ADGRL3: variants seen among roughly 807,000 people sequenced by gnomAD.
The protein encoded by ADGRL3 is adhesion G protein-coupled receptor L3.
In ADGRL3, 62 loss-of-function variants were observed where a neutral mutation model predicts 153.5. That is an observed-to-expected ratio of 0.40 (90% CI 0.33 to 0.50). The LOEUF (loss-of-function observed/expected upper bound fraction) is 0.50, where lower values mean the gene tolerates loss of function less well. Ranked by LOEUF, ADGRL3 falls within the 20% of genes least tolerant of loss-of-function variation. The pLI is 0.47. For missense variants in ADGRL3, 1,641 were observed against 1,859.4 expected (o/e 0.88, Z 2.16); for synonymous variants, 710 against 672.5 (o/e 1.06, Z -0.86).
intron 5 of ADGRL3, among the ~76,000 whole-genome samples, chr4:61,632,334 C>G (rs1216581847): frequency 6.6e-6 from 1 of 152,176 alleles, no homozygotes; most frequent in East Asian, 1.9e-4. Flanking sequence ...GAATATCTTA[C>G]TGAGTCTTTA....
chr4:62,020,178 C>T (rs2099231441), intron 21 of ADGRL3, among the ~76,000 whole-genome samples: 1 of 152,006 alleles, frequency 6.6e-6, no homozygotes. Flanking sequence ...AAATCCCATA[C>T]AGTATGAAAA....
intron 13 of ADGRL3, among the ~76,000 whole-genome samples, chr4:61,927,037 C>G (rs1581494499): frequency 6.6e-6 from 1 of 152,136 alleles, no homozygotes; most frequent in African/African-American, 2.4e-5. Flanking sequence ...GAGCTTGAAC[C>G]CTATGTTTCC....
At chr4:61,511,260 T>G (rs541039051) in intron 3 of ADGRL3, among the ~76,000 whole-genome samples, 294 of 152,142 alleles carry the variant, frequency 1.9e-3, no homozygotes, top group African/African-American at 6.8e-3. Context: ...TCTCAACTAC[T>G]CGGGACGTTG....
Position 62,073,043 on chromosome 4 carries a change from C to A in ADGRL3, c.*2135C>A, listed in dbSNP as rs986160700. On this transcript the variant is annotated 3_prime_UTR_variant, in exon 27 of 27. Transcript: ENST00000683033. ...TTTATAGCAGTGTCCAAGTACAGAT[C>A]CCCTGTTAGGGCAAAGCTAAAAGGA... 1.3e-5 allele frequency: 2 copies of A among 151,934 alleles called. No homozygotes were observed. Among genetic ancestry groups the A allele is most frequent in the Non-Finnish European group, 2.9e-5 (2 of 67,966 alleles). The allele number at this position is 151,934 out of a possible 1,614,324, so 9.4% of individuals were successfully genotyped here.
chr4:62,013,549 AAAAG>A lies in ADGRL3; in HGVS notation c.3396-15286_3396-15283del, dbSNP rs201993083. Reference sequence around the variant, plus strand: ...AAGAGTGAAACTCCATCTCAAAAAAAAAAGAAAGAAAGAAAGAAAGAAATTTGTT... The same window carrying A: ...AAGAGTGAAACTCCATCTCAAAAAAAAAAGAAAGAAAGAAAGAAATTTGTT... On this transcript the variant is annotated intron_variant, in intron 21 of 26. Coordinates refer to ENST00000683033, the MANE Select transcript of ADGRL3 (RefSeq NM_001387552.1). 4.4e-3 allele frequency among the ~76,000 whole-genome samples: 666 copies of A among 152,048 alleles called. 4 individuals are homozygous for A. Among genetic ancestry groups the A allele is most frequent in the African/African-American group, 0.013 (550 of 41,458 alleles).
chr4:61,718,335 T>G (rs1000213987), intron 6 of ADGRL3, among the ~76,000 whole-genome samples: 1 of 152,152 alleles, frequency 6.6e-6, no homozygotes, highest in Non-Finnish European at 1.5e-5. Context: ...ACCCTTGGAT[T>G]TATTTAATAA....
intron 9 of ADGRL3, among the ~76,000 whole-genome samples, chr4:61,848,702 A>C (rs1224743464): frequency 6.6e-6 from 1 of 152,176 alleles, no homozygotes; most frequent in Non-Finnish European, 1.5e-5. Flanking sequence ...TAAGACAATA[A>C]TATTTCTTAC....
intron 6 of ADGRL3, among the ~76,000 whole-genome samples, chr4:61,713,341 A>G (rs1048096391): frequency 2.6e-5 from 4 of 151,960 alleles, no homozygotes; most frequent in Non-Finnish European, 5.9e-5. Context: ...ACTCATCATT[A>G]AGTTCATTAA....
At chr4:61,298,536 A>T (rs7696470) in intron 1 of ADGRL3, among the ~76,000 whole-genome samples, 110,676 of 152,032 alleles carry the variant, frequency 0.73, 40,599 homozygotes, top group East Asian at 0.97. Flanking sequence ...TTCCAGAGCC[A>T]TTCAAAATTT....
intron 1 of ADGRL3, among the ~76,000 whole-genome samples, chr4:61,361,753 T>C (rs1279059235): frequency 2.0e-5 from 3 of 152,110 alleles, no homozygotes; most frequent in African/African-American, 4.8e-5. Flanking sequence ...GAATAGGAGA[T>C]GGTGAAGACT....
At chr4:61,844,576 A>ATATATATG (rs1554045148) in intron 9 of ADGRL3, among the ~76,000 whole-genome samples, 1 of 9,464 alleles carries the variant, frequency 1.1e-4, no homozygotes, top group South Asian at 8.6e-3. Flanking sequence ...AAAAAAAAAA[A>ATATATATG]TATATATATA....
chr4:61,285,486 G>A (rs1192498256), intron 1 of ADGRL3, among the ~76,000 whole-genome samples: 1 of 151,756 alleles, frequency 6.6e-6, no homozygotes, highest in Non-Finnish European at 1.5e-5. Flanking sequence ...TGGTTCTCAT[G>A]TATTTATATA....
At chr4:61,756,335 A>G (rs1268669516) in intron 8 of ADGRL3, among the ~76,000 whole-genome samples, 1 of 152,122 alleles carries the variant, frequency 6.6e-6, no homozygotes, top group African/African-American at 2.4e-5. Flanking sequence ...GGTCCTTCAC[A>G]TCCCTTGTAA....
intron 8 of ADGRL3, among the ~76,000 whole-genome samples, chr4:61,808,130 C>T (rs190704545): frequency 5.1e-4 from 78 of 152,204 alleles, no homozygotes; most frequent in African/African-American, 1.5e-3. Flanking sequence ...AGTTAGGTGC[C>T]GCTGCTGTGC....
At chr4:61,314,446 T>C (rs2095132653) in intron 1 of ADGRL3, among the ~76,000 whole-genome samples, 2 of 152,162 alleles carry the variant, frequency 1.3e-5, no homozygotes, top group Non-Finnish European at 1.5e-5. Context: ...TGACCTCAGA[T>C]GATCCACCCG....
At chr4:61,891,589 C>T (rs540829968) in intron 9 of ADGRL3, among the ~76,000 whole-genome samples, 4 of 152,266 alleles carry the variant, frequency 2.6e-5, no homozygotes, top group Admixed American at 6.5e-5. Flanking sequence ...GGGACCTCCT[C>T]GGGGCAGCGG....
At chr4:61,777,894 A>G (rs1329798580) in intron 8 of ADGRL3, among the ~76,000 whole-genome samples, 1 of 152,156 alleles carries the variant, frequency 6.6e-6, no homozygotes, top group Non-Finnish European at 1.5e-5. Flanking sequence ...CTACTCTCCT[A>G]GGGAAACATA....
intron 4 of ADGRL3, among the ~76,000 whole-genome samples, chr4:61,550,572 A>T (rs1486377596): frequency 2.0e-5 from 3 of 151,942 alleles, no homozygotes; most frequent in Non-Finnish European, 4.4e-5. Context: ...CATTTTTAAG[A>T]TACTTTGGTG....
At chr4:61,409,385 AT>A (rs1156243729) in intron 2 of ADGRL3, among the ~76,000 whole-genome samples, 1 of 115,544 alleles carries the variant, frequency 8.7e-6, no homozygotes, top group Non-Finnish European at 1.8e-5. Flanking sequence ...CATATATTAT[AT>A]ATATATTAGA....
Sources: gnomAD v4.1 joint callset for allele counts (sites outside exome capture counted in the v4.1 genomes callset) on GRCh38, gnomAD v4.1.1 for gene constraint, MANE v1.5 for transcripts, NCBI Gene and HGNC (gene_info 2026-07-23, HGNC 2026-07-21) for gene names.